The following NBEA variants were observed in gnomAD, a reference collection of about 807,000 sequenced individuals.
NBEA encodes lysosomal-trafficking regulator 2.
A neutral mutation model predicts 343.4 loss-of-function variants in NBEA; 44 were observed. That is an observed-to-expected ratio of 0.13 (90% confidence interval 0.10 to 0.16). The LOEUF is 0.16. Among genes scored for constraint, NBEA ranks in the 10% least tolerant of loss-of-function variants. The pLI is 1.00. For synonymous variants in NBEA, 1,175 were observed against 1,238.7 expected, an observed-to-expected ratio of 0.95 and a Z score of 1.08; for missense variants, 2,555 against 3,631.3, an observed-to-expected ratio of 0.70 and a Z score of 7.62.
intron 41 of NBEA, among the ~76,000 whole-genome samples, chr13:35,518,904 A>G (rs1049460913): frequency 5.9e-5 from 9 of 152,182 alleles, no homozygotes; most frequent in African/African-American, 2.2e-4. Flanking sequence ...AGATGATTAT[A>G]AGAGAGCAAT....
chr13:35,311,514 A>G (rs2152833925), intron 36 of NBEA, among the ~76,000 whole-genome samples: 1 of 152,198 alleles, frequency 6.6e-6, no homozygotes, highest in South Asian at 2.1e-4. Context: ...TTTGCTTTAT[A>G]TTAGGAAAGG....
intron 40 of NBEA, among the ~76,000 whole-genome samples, chr13:35,469,029 G>A (rs573049535): frequency 2.1e-5 from 3 of 139,916 alleles, no homozygotes; most frequent in African/African-American, 8.0e-5. Context: ...AGCTCGGGGG[G>A]CAGAAGTTGC....
intron 49 of NBEA, among the ~76,000 whole-genome samples, chr13:35,635,193 T>C (rs1413242041): frequency 1.3e-5 from 2 of 152,220 alleles, no homozygotes; most frequent in Admixed American, 1.3e-4. Context: ...TTCTTTATTC[T>C]TTCTATGAAT....
At chr13:35,548,218 T>C (rs903435851) in intron 41 of NBEA, among the ~76,000 whole-genome samples, 1 of 152,272 alleles carries the variant, frequency 6.6e-6, no homozygotes, top group East Asian at 1.9e-4. Flanking sequence ...AAGGGTGAAT[T>C]TGCACATGGA....
intron 1 of NBEA, among the ~76,000 whole-genome samples, chr13:35,018,772 G>A (rs2061737179): frequency 6.6e-6 from 1 of 152,052 alleles, no homozygotes; most frequent in South Asian, 2.1e-4. Flanking sequence ...GAGCATCCAT[G>A]ATAACACTGA....
intron 30 of NBEA, among the ~76,000 whole-genome samples, chr13:35,187,213 C>CT (rs1207878042): frequency 6.6e-6 from 1 of 151,782 alleles, no homozygotes; most frequent in Non-Finnish European, 1.5e-5. Context: ...TCTTCAGCTC[C>CT]TTCACACCCC....
chr13:35,586,670 G>A (rs924714727), intron 46 of NBEA, among the ~76,000 whole-genome samples: 2 of 152,030 alleles, frequency 1.3e-5, no homozygotes, highest in Admixed American at 6.6e-5. Context: ...AAGTATAGAT[G>A]TTCTCTTTTT....
rs554889225 is a variant in NBEA, at chr13:35,561,643, T to C, written c.6923-5262T>C. Among the ~76,000 whole-genome samples, 7 of 152,278 alleles carry C rather than the reference T, an allele frequency of 4.6e-5. No homozygotes were observed. In the East Asian group the frequency reaches 1.4e-3, roughly 29 times the overall value. Reference sequence around the variant, plus strand: ...CTTGACCAATTTCACTTTTCTCCTTTCTAGATGCTTTTAAAAATAAGATTC... The same window carrying C: ...CTTGACCAATTTCACTTTTCTCCTTCCTAGATGCTTTTAAAAATAAGATTC... On this transcript the variant is annotated intron_variant, in intron 44 of 58. Coordinates refer to ENST00000379939, the MANE Select transcript of NBEA (RefSeq NM_001385012.1).
Position 35,349,147 on chromosome 13 carries a change from T to C in NBEA, c.5943T>C (p.Val1981=), listed in dbSNP as rs1257017556. The part of the protein sequence containing the change: ...CHAMKDHIVR[V]ANEAEFILNR... ...CTATGAAGGACCATATAGTCCGTGT[T>C]GCAAATGAAGCTGAGTTTATTTTGA... The change falls in exon 37 of 59, where the codon GTT becomes GTC. Residue 1981 remains valine (V), a synonymous_variant. Coordinates refer to ENST00000379939, the MANE Select transcript of NBEA (RefSeq NM_001385012.1). 3.1e-6 allele frequency: 5 copies of C among 1,608,504 alleles called. No individual in the cohort carries two copies. Among genetic ancestry groups the C allele is most frequent in the Non-Finnish European group, 4.2e-6 (5 of 1,176,792 alleles).
At chr13:35,084,721 A>G (rs1435261599) in intron 10 of NBEA, among the ~76,000 whole-genome samples, 1 of 152,180 alleles carries the variant, frequency 6.6e-6, no homozygotes, top group African/African-American at 2.4e-5. Context: ...AAGGCAAGAA[A>G]TAACTAAGAT....
chr13:35,431,055 C>CA (rs1237894312), intron 38 of NBEA, among the ~76,000 whole-genome samples: 6 of 151,692 alleles, frequency 4.0e-5, no homozygotes, highest in Admixed American at 3.3e-4. Flanking sequence ...AAATGCTTTT[C>CA]AAAATGAAAT....
chr13:35,277,698 G>C (rs2034716793), intron 34 of NBEA, among the ~76,000 whole-genome samples: 1 of 147,368 alleles, frequency 6.8e-6, no homozygotes. Flanking sequence ...GAAAGGAGCA[G>C]CGACTTTGCC....
chr13:34,991,049 T>G (rs1040007134), intron 1 of NBEA, among the ~76,000 whole-genome samples: 1 of 152,228 alleles, frequency 6.6e-6, no homozygotes, highest in Non-Finnish European at 1.5e-5. Flanking sequence ...CTGAGACTAC[T>G]TCAGCCTGGA....
intron 34 of NBEA, among the ~76,000 whole-genome samples, chr13:35,250,318 A>C (rs985564850): frequency 2.0e-5 from 3 of 152,142 alleles, no homozygotes; most frequent in Non-Finnish European, 4.4e-5. Context: ...ACACAAAGAA[A>C]CTCCTACCAA....
chr13:35,408,909 A>G (rs893811183), intron 38 of NBEA, among the ~76,000 whole-genome samples: 1 of 152,220 alleles, frequency 6.6e-6, no homozygotes, highest in Non-Finnish European at 1.5e-5. Flanking sequence ...AGTGTAAGTC[A>G]GTTCAACCAT....
chr13:35,506,010 T>C (rs185478242), intron 41 of NBEA, among the ~76,000 whole-genome samples: 1 of 152,266 alleles, frequency 6.6e-6, no homozygotes, highest in Admixed American at 6.5e-5. Context: ...ACCAGATCCA[T>C]ACTAATTCAT....
intron 8 of NBEA, among the ~76,000 whole-genome samples, chr13:35,062,741 C>T (rs533176695): frequency 9.2e-5 from 14 of 151,668 alleles, no homozygotes; most frequent in East Asian, 3.9e-4. Context: ...TTTTTTTATC[C>T]GGTGAAAATA....
At chr13:35,227,890 TAAGAA>T (rs2152766793) in intron 33 of NBEA, among the ~76,000 whole-genome samples, 1 of 152,054 alleles carries the variant, frequency 6.6e-6, no homozygotes, top group East Asian at 1.9e-4. Context: ...CATATAACAT[TAAGAA>T]AAGATCACTT....
At chr13:35,124,475 A>G (rs890598215) in intron 17 of NBEA, among the ~76,000 whole-genome samples, 2 of 150,030 alleles carry the variant, frequency 1.3e-5, no homozygotes, top group African/African-American at 4.9e-5. Flanking sequence ...GGATTGTAGA[A>G]AAGGATATAT....
Sources: allele counts gnomAD v4.1 joint callset (sites outside exome capture counted in the v4.1 genomes callset), GRCh38; gene constraint gnomAD v4.1.1; transcripts MANE v1.5; gene names NCBI Gene and HGNC (gene_info 2026-07-23, HGNC 2026-07-21).